ESRRG: variants seen among roughly 807,000 people sequenced by gnomAD.
The protein encoded by ESRRG is estrogen related receptor gamma.
Under a neutral mutation model 44.0 loss-of-function variants are expected in ESRRG, and 13 were observed. That is an observed-to-expected ratio of 0.30 (90% confidence interval 0.19 to 0.47). The LOEUF (loss-of-function observed/expected upper bound fraction) is 0.47. Among genes scored for constraint, ESRRG ranks in the 20% least tolerant of loss-of-function variants. The pLI, the probability that ESRRG is intolerant of heterozygous loss-of-function variation, is 1.00. For synonymous variants in ESRRG, 215 were observed against 214.6 expected (o/e 1.00, Z -0.02); for missense variants, 395 against 580.6 (o/e 0.68, Z 3.29).
chr1:216,723,751 G>A (rs1175805345), upstream of ESRRG, among the ~76,000 whole-genome samples: 1 of 150,696 alleles, frequency 6.6e-6, no homozygotes. Flanking sequence ...TTTTTCTTCT[G>A]GGAAGCTACA....
chr1:216,703,821 G>C (rs901929355), intron 1 of ESRRG, among the ~76,000 whole-genome samples: 2 of 151,728 alleles, frequency 1.3e-5, no homozygotes, highest in Admixed American at 1.3e-4. Flanking sequence ...GTGAATGGGG[G>C]ATAAACTTCA....
intron 1 of ESRRG, among the ~76,000 whole-genome samples, chr1:216,989,405 C>T: frequency 7.8e-6 from 1 of 128,684 alleles, no homozygotes; most frequent in Middle Eastern, 4.9e-3. Flanking sequence ...TGCACTCTGT[C>T]TGCATGGTAG....
chr1:216,892,512 T>C (rs935337588), intron 2 of ESRRG, among the ~76,000 whole-genome samples: 2 of 152,166 alleles, frequency 1.3e-5, no homozygotes, highest in African/African-American at 4.8e-5. Context: ...TTAGCTGTGG[T>C]ATTTCAAGCT....
intron 1 of ESRRG, among the ~76,000 whole-genome samples, chr1:216,944,619 C>G (rs547739937): frequency 2.8e-4 from 43 of 152,014 alleles, no homozygotes; most frequent in Non-Finnish European, 4.9e-4. Context: ...GTAATGCACT[C>G]CAAAGCCTTC....
intron 3 of ESRRG, among the ~76,000 whole-genome samples, chr1:216,618,447 T>C (rs2150418006): frequency 6.6e-6 from 1 of 152,314 alleles, no homozygotes; most frequent in Admixed American, 6.5e-5. Context: ...CTTAGCCTCA[T>C]TTGGTACCAT....
At position 217,120,494 on chromosome 1, in the gene ESRRG, CTCTA is replaced by C. The variant is rs553994568; in HGVS notation, c.-230+17169_-230+17172del. 3.6e-3 allele frequency among the ~76,000 whole-genome samples: 546 copies of C among 151,850 alleles called. 1 individual carries two copies. The highest frequency in any genetic ancestry group is 0.013 in the African/African-American group (522 of 41,384). ...AAAAAAAAAAATCTGATCATGTCTT[CTCTA>C]TCTCATTTAAAATGGCATCTCATTC... On this transcript the variant is annotated intron_variant, in intron 1 of 8. Coordinates refer to the ESRRG transcript ENST00000366940.
At chr1:216,965,130 T>G (rs1330670827) in intron 1 of ESRRG, among the ~76,000 whole-genome samples, 1 of 151,464 alleles carries the variant, frequency 6.6e-6, no homozygotes, top group Non-Finnish European at 1.5e-5. Context: ...ACAAGTCAAA[T>G]GTTATGCAAC....
chr1:217,097,552 T>C (rs947800721), intron 1 of ESRRG, among the ~76,000 whole-genome samples: 8 of 152,184 alleles, frequency 5.3e-5, no homozygotes, highest in African/African-American at 1.9e-4. Flanking sequence ...CACAACCGAA[T>C]GTCCTGTTTT....
In ESRRG at chr1:216,978,067, C is replaced by T. The variant is rs768050146; in HGVS notation, c.-105-38394G>A. 4.7e-4 allele frequency among the ~76,000 whole-genome samples: 71 copies of T among 152,204 alleles called. 1 individual carries two copies. The highest frequency in any genetic ancestry group is 3.4e-3 in the Middle Eastern group (1 of 294). On this transcript the variant is annotated intron_variant, in intron 1 of 7. Coordinates refer to the ESRRG transcript ENST00000359162. Reference sequence around the variant, plus strand: ...TGAATTTATTTTCTTTATAGATTATCTAGTCGGCTGTATTATGTTATAGCA... The same window carrying T: ...TGAATTTATTTTCTTTATAGATTATTTAGTCGGCTGTATTATGTTATAGCA...
At chr1:216,777,914 C>T (rs551490613) in intron 2 of ESRRG, among the ~76,000 whole-genome samples, 164 of 152,194 alleles carry the variant, frequency 1.1e-3, no homozygotes, top group African/African-American at 3.7e-3. Context: ...ATGAAGACAA[C>T]CAGGCTTGCT....
intron 2 of ESRRG, among the ~76,000 whole-genome samples, chr1:216,877,315 G>A (rs1327719471): frequency 6.6e-6 from 1 of 151,736 alleles, no homozygotes; most frequent in African/African-American, 2.4e-5. Context: ...AAAACTGCAA[G>A]TATTCTCATT....
intron 1 of ESRRG, among the ~76,000 whole-genome samples, chr1:216,687,272 T>G (rs2078186318): frequency 6.6e-6 from 1 of 152,056 alleles, no homozygotes; most frequent in Non-Finnish European, 1.5e-5. Context: ...CATTACGTTT[T>G]TGGTGGGAGG....
intron 2 of ESRRG, among the ~76,000 whole-genome samples, chr1:216,822,576 CT>C (rs11117686): frequency 0.041 from 6,304 of 152,216 alleles, 399 homozygotes; most frequent in African/African-American, 0.14. Flanking sequence ...TGGCACACAC[CT>C]GTTGTTATGT....
At chr1:217,103,768 A>C (rs1228016306) in intron 1 of ESRRG, among the ~76,000 whole-genome samples, 6 of 152,132 alleles carry the variant, frequency 3.9e-5, no homozygotes, top group African/African-American at 2.4e-5. Context: ...TGCCCCTCCA[A>C]GCCTCACAAT....
At chr1:216,650,446 A>G (rs2068658141) in intron 3 of ESRRG, among the ~76,000 whole-genome samples, 1 of 152,172 alleles carries the variant, frequency 6.6e-6, no homozygotes, top group African/African-American at 2.4e-5. Flanking sequence ...CACAGAACAC[A>G]TGTCACTGTT....
At position 217,122,515 on chromosome 1, in the gene ESRRG, T is replaced by C. The variant is rs150242886; in HGVS notation, c.-230+15152A>G. Among the ~76,000 whole-genome samples, 1,665 of 152,194 alleles carry C rather than the reference T, an allele frequency of 0.011. 54 individuals are homozygous for C. The South Asian group carries it at 0.11, about 10-fold the overall frequency. On this transcript the variant is annotated intron_variant, in intron 1 of 8. Coordinates refer to the ESRRG transcript ENST00000366940. The stretch of plus-strand genomic sequence containing the variant: ...CATCACATCTCAGTAGCTTAATACA[T>C]TGAAGATTTCTTACTCAGATGAAGC...
At chr1:217,037,727 T>C (rs987309367) in intron 1 of ESRRG, among the ~76,000 whole-genome samples, 4 of 152,090 alleles carry the variant, frequency 2.6e-5, no homozygotes, top group African/African-American at 9.7e-5. Flanking sequence ...TCCAAAGTCT[T>C]ATCTGAGACA....
At chr1:216,736,927 A>C (rs1418488891) in intron 2 of ESRRG, among the ~76,000 whole-genome samples, 1 of 152,128 alleles carries the variant, frequency 6.6e-6, no homozygotes, top group African/African-American at 2.4e-5. Flanking sequence ...TCAGGAACAG[A>C]GCTTTTATTA....
At chr1:216,563,767 G>A (rs529614643) in intron 5 of ESRRG, among the ~76,000 whole-genome samples, 275 of 152,212 alleles carry the variant, frequency 1.8e-3, no homozygotes, top group African/African-American at 6.5e-3. Flanking sequence ...GTAAGCCAAA[G>A]CAAAGCTTGT....
Sources: allele counts gnomAD v4.1 joint callset (sites outside exome capture counted in the v4.1 genomes callset), GRCh38; gene constraint gnomAD v4.1.1; transcripts MANE v1.5; gene names NCBI Gene and HGNC (gene_info 2026-07-23, HGNC 2026-07-21).